CYP11A1: variants seen among roughly 807,000 people sequenced by gnomAD.
The protein encoded by CYP11A1 is cytochrome P450 family 11 subfamily A member 1.
CYP11A1 carries 25 observed loss-of-function variants against 51.9 expected under a neutral mutation model. The ratio of observed to expected loss-of-function variants is 0.48; its 90% CI spans 0.35 to 0.67. CYP11A1 has a LOEUF of 0.67. CYP11A1 is among the 30% of genes least tolerant of loss of function. CYP11A1 has a pLI of 0.00. For synonymous variants in CYP11A1, 245 were observed against 262.1 expected (o/e 0.93, Z 0.63); for missense variants, 578 against 680.9 (o/e 0.85, Z 1.68).
chr15:74,341,739 AT>A (rs1335597909), intron 5 of CYP11A1, among the ~76,000 whole-genome samples: 1 of 152,160 alleles, frequency 6.6e-6, no homozygotes, highest in African/African-American at 2.4e-5. Flanking sequence ...AAATGTGACT[AT>A]ATTTGGAGAT....
intron 1 of CYP11A1, among the ~76,000 whole-genome samples, chr15:74,348,829 C>A (rs2060643391): frequency 6.6e-6 from 1 of 152,150 alleles, no homozygotes; most frequent in Non-Finnish European, 1.5e-5. Flanking sequence ...ACCTCCCAGG[C>A]TCAAGCGACC....
intron 1 of CYP11A1, among the ~76,000 whole-genome samples, chr15:74,349,815 C>T (rs905858573): frequency 1.3e-5 from 2 of 152,078 alleles, no homozygotes; most frequent in African/African-American, 4.8e-5. Flanking sequence ...CACAGTGGCT[C>T]ACACCTGTAA....
chr15:74,367,200 GT>G, intron 1 of CYP11A1, 116 bp downstream of exon 1: 1 of 909,316 alleles, frequency 1.1e-6, no homozygotes, highest in Non-Finnish European at 1.7e-6. Flanking sequence ...AAAAAAAGAA[GT>G]TAGACAGGAG....
chr15:74,358,249 C>T (rs546649498), intron 1 of CYP11A1, among the ~76,000 whole-genome samples: 1 of 152,254 alleles, frequency 6.6e-6, no homozygotes, highest in Non-Finnish European at 1.5e-5. Context: ...ATTCCAACTT[C>T]TATCCCTCAC....
chr15:74,349,513 T>C (rs138212177), intron 1 of CYP11A1, among the ~76,000 whole-genome samples: 38 of 152,234 alleles, frequency 2.5e-4, no homozygotes, highest in Admixed American at 2.1e-3. Flanking sequence ...CCCCTCAGTG[T>C]TTTTCCAGCT....
At chr15:74,366,266 T>A in intron 1 of CYP11A1, 2 of 732,278 alleles carry the variant, frequency 2.7e-6, no homozygotes, top group Non-Finnish European at 3.3e-6. Context: ...CCTTCAAATC[T>A]CCCTCCCCCG....
chr15:74,350,147 A>G (rs1003985324), intron 1 of CYP11A1: 1 of 397,134 alleles, frequency 2.5e-6, no homozygotes, highest in Non-Finnish European at 5.0e-6. Context: ...TAAGCAGCAT[A>G]TGTAGTATAT....
intron 1 of CYP11A1, chr15:74,364,504 C>A (rs141720041): frequency 6.6e-6 from 1 of 152,320 alleles, no homozygotes; most frequent in Non-Finnish European, 1.5e-5. Context: ...CAATGGAATC[C>A]TCTGGGGGTA....
chr15:74,358,450 A>T (rs914188486), intron 1 of CYP11A1, among the ~76,000 whole-genome samples: 3 of 152,116 alleles, frequency 2.0e-5, no homozygotes, highest in African/African-American at 7.2e-5. Context: ...CCACTAGCCC[A>T]CCTCTTAGAA....
Position 74,343,996 on chromosome 15 carries a change from C to G in CYP11A1, c.626-4G>C. 6.2e-7 allele frequency: 1 copy of G among 1,613,848 alleles called. No individual in the cohort carries two copies. The highest frequency in any genetic ancestry group is 1.1e-5 in the South Asian group (1 of 91,038). The stretch of plus-strand genomic sequence containing the variant: ...CCAAAAATGACGTTAGTGATGGCTG[C>G]AGGGAGAGGAAGAGGCTGAGGAGCC... On this transcript the variant is annotated splice_region_variant and splice_polypyrimidine_tract_variant and intron_variant, in intron 3 of 8. Transcript: ENST00000268053.
intron 1 of CYP11A1, chr15:74,359,671 A>C (rs2060698078): frequency 6.6e-6 from 1 of 152,142 alleles, no homozygotes; most frequent in South Asian, 2.1e-4. Flanking sequence ...CCCCACCCCT[A>C]TCTCCCTTCG....
Position 74,361,536 on chromosome 15 carries a change from C to T in CYP11A1, c.269+5781G>A, listed in dbSNP as rs2060708866. 4 of 680,378 alleles carry T rather than the reference C, an allele frequency of 5.9e-6. No individual in the cohort carries two copies. The South Asian group carries it at 6.0e-5, about 10-fold the overall frequency. The allele number at this position is 680,378 out of a possible 1,614,324, so 42.1% of individuals were successfully genotyped here. On this transcript the variant is annotated intron_variant, in intron 1 of 8. Transcript: ENST00000268053. The stretch of plus-strand genomic sequence containing the variant: ...CAGATGCCGTCACTGCCACCAGGAG[C>T]CCTGTACTATCAGCCATGGTCAACC...
intron 1 of CYP11A1, chr15:74,366,005 G>T: frequency 2.9e-5 from 29 of 986,330 alleles, no homozygotes; most frequent in Non-Finnish European, 3.4e-5. Flanking sequence ...CGCCTCCGCG[G>T]GGCCGAGCGC....
intron 1 of CYP11A1, among the ~76,000 whole-genome samples, chr15:74,356,117 G>A (rs891112011): frequency 2.6e-5 from 4 of 152,192 alleles, no homozygotes; most frequent in East Asian, 1.9e-4. Flanking sequence ...AAACCCAGCC[G>A]CATCTCCAGC....
At chr15:74,361,058 C>G (rs1004045722) in intron 1 of CYP11A1, among the ~76,000 whole-genome samples, 2 of 152,156 alleles carry the variant, frequency 1.3e-5, no homozygotes, top group Non-Finnish European at 2.9e-5. Flanking sequence ...TCTGAGTCAT[C>G]ATTTTGGCAA....
At chr15:74,358,254 C>T (rs1277904407) in intron 1 of CYP11A1, among the ~76,000 whole-genome samples, 1 of 152,172 alleles carries the variant, frequency 6.6e-6, no homozygotes, top group Non-Finnish European at 1.5e-5. Context: ...AACTTCTATC[C>T]CTCACAGCCA....
At chr15:74,351,665 G>T (rs893410365) in intron 1 of CYP11A1, among the ~76,000 whole-genome samples, 3 of 152,212 alleles carry the variant, frequency 2.0e-5, no homozygotes, top group African/African-American at 7.2e-5. Flanking sequence ...CTTGGCAGAG[G>T]TTCTGAGGTC....
chr15:74,352,264 CTTTTTT>C (rs34304260), intron 1 of CYP11A1, among the ~76,000 whole-genome samples: 7 of 86,050 alleles, frequency 8.1e-5, no homozygotes, highest in African/African-American at 3.0e-4. Context: ...TCTTTGCTAT[CTTTTTT>C]TTTTTTTTTT....
At chr15:74,366,326 A>G (rs1248838170) in intron 1 of CYP11A1, 12 of 877,678 alleles carry the variant, frequency 1.4e-5, no homozygotes, top group African/African-American at 9.0e-5. Context: ...TTTGTTGCCC[A>G]GGGCGGGAGT....
Sources: allele counts gnomAD v4.1 joint callset (sites outside exome capture counted in the v4.1 genomes callset), GRCh38; gene constraint gnomAD v4.1.1; transcripts MANE v1.5; gene names NCBI Gene and HGNC (gene_info 2026-07-23, HGNC 2026-07-21).